The following PCDHA1 variants were observed in gnomAD, a reference collection of about 807,000 sequenced individuals.
PCDHA1 encodes the protein protocadherin alpha 1.
Under a neutral mutation model 61.3 loss-of-function variants are expected in PCDHA1, and 42 were observed. The ratio of observed to expected loss-of-function variants is 0.69; its 90% CI spans 0.54 to 0.89. PCDHA1 has a LOEUF of 0.89. Ranked by LOEUF, PCDHA1 falls within the 40% of genes least tolerant of loss-of-function variation. The pLI is 0.00. For synonymous variants in PCDHA1, 610 were observed against 553.8 expected (o/e 1.10, Z -1.43); for missense variants, 1,256 against 1,235.3 (o/e 1.02, Z -0.25).
At chr5:140,814,785 G>A (rs1269802125) in intron 1 of PCDHA1, 1 of 152,126 alleles carries the variant, frequency 6.6e-6, no homozygotes, top group Non-Finnish European at 1.5e-5. Context: ...TGGTTGAAAC[G>A]TTGTTATACA....
In PCDHA1 at chr5:140,850,593, C is replaced by G. The variant is rs2150490576; in HGVS notation, c.2394+61909C>G. The stretch of plus-strand genomic sequence containing the variant: ...GACGCTGGTGGATGTCAACGTGTAC[C>G]TGATCATCGCCATCTGCGCGGTGTC... On this transcript the variant is annotated intron_variant, in intron 1 of 3. Coordinates refer to ENST00000504120, the MANE Select transcript of PCDHA1 (RefSeq NM_018900.4). 25 of 1,598,524 alleles carry G rather than the reference C, an allele frequency of 1.6e-5. 1 individual carries two copies. The highest frequency in any genetic ancestry group is 5.5e-5 in the South Asian group (5 of 90,556).
chr5:140,803,386 G>A, intron 1 of PCDHA1: 1 of 1,614,232 alleles, frequency 6.2e-7, no homozygotes, highest in Non-Finnish European at 8.5e-7. Flanking sequence ...CCAACCGAAG[G>A]CGACTGTGGG....
chr5:140,846,306 A>G (rs1444661370), intron 1 of PCDHA1, among the ~76,000 whole-genome samples: 4 of 147,710 alleles, frequency 2.7e-5, no homozygotes, highest in South Asian at 4.3e-4. Context: ...TAAGTAAACC[A>G]TTTATGTAGA....
chr5:140,858,998 T>G, intron 1 of PCDHA1: 1 of 151,598 alleles, frequency 6.6e-6, no homozygotes, highest in East Asian at 1.9e-4. Context: ...TTGGTAAAAA[T>G]TTCTTAATCT....
rs2150154763 is a variant in PCDHA1, at chr5:140,828,384, G to A, written c.2394+39700G>A. ...ATCGACCGCGAGGAGCTGTGCGGGC[G>A]GAGCGCGGAGTGCAGCATCCACCTG... On this transcript the variant is annotated intron_variant, in intron 1 of 3. Coordinates refer to ENST00000504120, the MANE Select transcript of PCDHA1 (RefSeq NM_018900.4). The A allele has an allele frequency of 1.4e-5, 23 of 1,614,166 alleles. No individual in the cohort carries two copies. In the East Asian group the frequency reaches 4.0e-4, roughly 28 times the overall value.
At chr5:140,873,963 T>G (rs1048862313) in intron 1 of PCDHA1, among the ~76,000 whole-genome samples, 2 of 152,206 alleles carry the variant, frequency 1.3e-5, no homozygotes, top group East Asian at 3.8e-4. Flanking sequence ...GCCCAGCCTA[T>G]TTTTTAAAAT....
At chr5:140,968,886 A>G in intron 1 of PCDHA1, 1 of 1,614,186 alleles carries the variant, frequency 6.2e-7, no homozygotes, top group Non-Finnish European at 8.5e-7. Context: ...ATTACCCTTT[A>G]TCTAATAATA....
At chr5:140,869,548 G>T in intron 1 of PCDHA1, 1 of 1,614,202 alleles carries the variant, frequency 6.2e-7, no homozygotes, top group Non-Finnish European at 8.5e-7. Flanking sequence ...TAAGCAATCG[G>T]ACTCGCGTTT....
chr5:140,794,062 C>T (rs1166573708), intron 1 of PCDHA1, among the ~76,000 whole-genome samples: 2 of 152,216 alleles, frequency 1.3e-5, no homozygotes, highest in Non-Finnish European at 2.9e-5. Flanking sequence ...AATATATGCA[C>T]ACCCATGTTC....
chr5:140,822,987 C>T, intron 1 of PCDHA1: 4 of 1,614,254 alleles, frequency 2.5e-6, no homozygotes, highest in East Asian at 2.2e-5. Flanking sequence ...AGAATTACTA[C>T]TCGTTGGTGC....
Position 140,836,313 on chromosome 5 carries a change from C to T in PCDHA1, c.2394+47629C>T, listed in dbSNP as rs2150257393. 228 of 1,613,608 alleles carry T rather than the reference C, an allele frequency of 1.4e-4. 1 individual carries two copies. Among genetic ancestry groups the T allele is most frequent in the Non-Finnish European group, 1.4e-5 (16 of 1,179,840 alleles). On this transcript the variant is annotated intron_variant, in intron 1 of 3. Coordinates refer to ENST00000504120, the MANE Select transcript of PCDHA1 (RefSeq NM_018900.4). The stretch of plus-strand genomic sequence containing the variant: ...AGCCCTAGATGAGACGGACGCACCG[C>T]GCCACCGCCTTCTGGTGCTTGTGAA...
chr5:140,876,256 A>G (rs1554168418), intron 1 of PCDHA1: 1 of 1,614,042 alleles, frequency 6.2e-7, no homozygotes, highest in East Asian at 2.2e-5. Context: ...CACAAGAGTG[A>G]TCCAACTAAA....
At chr5:140,854,798 A>G (rs2043232983) in intron 1 of PCDHA1, 1 of 149,748 alleles carries the variant, frequency 6.7e-6, no homozygotes, top group African/African-American at 2.4e-5. Flanking sequence ...GAGAGAGAAA[A>G]AAATATTTTT....
chr5:140,876,718 G>C, intron 1 of PCDHA1: 1 of 1,614,242 alleles, frequency 6.2e-7, no homozygotes, highest in Non-Finnish European at 8.5e-7. Context: ...CCTGGACCGC[G>C]AGAGCGTGTC....
intron 1 of PCDHA1, chr5:140,823,038 G>A (rs2150121584): frequency 1.9e-6 from 3 of 1,614,120 alleles, no homozygotes; most frequent in African/African-American, 1.3e-5. Context: ...CGGTCTATGA[G>A]CTGGTGGTGA....
intron 1 of PCDHA1, chr5:140,807,301 G>T (rs1554123853): frequency 1.2e-6 from 2 of 1,614,166 alleles, no homozygotes; most frequent in Non-Finnish European, 8.5e-7. Flanking sequence ...TCTCCGAGGA[G>T]GCCAAACACG....
intron 1 of PCDHA1, chr5:140,929,268 AAT>A (rs782372972): frequency 7.4e-6 from 12 of 1,611,594 alleles, no homozygotes; most frequent in Non-Finnish European, 1.0e-5. Flanking sequence ...TGAATTTGCC[AAT>A]ATCCTGTATT....
At chr5:140,805,040 C>T in intron 1 of PCDHA1, 1 of 1,587,072 alleles carries the variant, frequency 6.3e-7, no homozygotes, top group Non-Finnish European at 8.5e-7. Flanking sequence ...TAGAGTCAGC[C>T]AAAGTACTTG....
chr5:140,876,774 G>T (rs370558767), intron 1 of PCDHA1: 28 of 1,614,110 alleles, frequency 1.7e-5, no homozygotes, highest in Non-Finnish European at 2.3e-5. Flanking sequence ...GCTCGCCTTC[G>T]CTGTGGGCCA....
Sources: allele counts gnomAD v4.1 joint callset (sites outside exome capture counted in the v4.1 genomes callset), GRCh38; gene constraint gnomAD v4.1.1; transcripts MANE v1.5; gene names NCBI Gene and HGNC (gene_info 2026-07-23, HGNC 2026-07-21).